The following OSCAR variants were observed in gnomAD, a reference collection of about 807,000 sequenced individuals.
OSCAR encodes osteoclast-associated immunoglobulin-like receptor.
Under a neutral mutation model 27.3 loss-of-function variants are expected in OSCAR, and 25 were observed. The ratio of observed to expected loss-of-function variants is 0.92; its 90% confidence interval spans 0.67 to 1.28. The LOEUF (loss-of-function observed/expected upper bound fraction) is 1.28. OSCAR is among the 50% of genes most tolerant of loss of function. The pLI, the probability that OSCAR is intolerant of heterozygous loss-of-function variation, is 0.00. For synonymous variants in OSCAR, 158 were observed against 165.7 expected, an observed-to-expected ratio of 0.95 and a Z score of 0.36; for missense variants, 354 against 355.1, an observed-to-expected ratio of 1.00 and a Z score of 0.03.
intron 3 of OSCAR, 27 bp from the exon 4 acceptor site, chr19:54,096,180 G>A (rs1355730714): frequency 6.8e-7 from 1 of 1,473,894 alleles, no homozygotes; most frequent in Non-Finnish European, 8.9e-7. Context: ...AGAGTCCGGG[G>A]CCGCGTGAGC....
chr19:54,095,733 G>T, intron 4 of OSCAR, 139 bp downstream of exon 4: 1 of 1,368,564 alleles, frequency 7.3e-7, no homozygotes, highest in Non-Finnish European at 9.9e-7. Context: ...CTGGGTCTGA[G>T]GGAGGAGGGG....
chr19:54,100,702 C>G, intron 1 of OSCAR, 54 bp downstream of exon 1: 15 of 1,530,034 alleles, frequency 9.8e-6, no homozygotes, highest in Non-Finnish European at 1.2e-5. Context: ...CATTGCCTCT[C>G]TCTCTGCCCC....
rs117829349 is a variant in OSCAR at position 54,094,971 on chromosome 19, G to C, written c.*250C>G. Reference sequence around the variant, plus strand: ...GCTGCTACTACTACAGTGAGTAGACGGCAGTGCTGGGATTCGAACCCTCTG... The same window carrying C: ...GCTGCTACTACTACAGTGAGTAGACCGCAGTGCTGGGATTCGAACCCTCTG... On this transcript the variant is annotated 3_prime_UTR_variant, in exon 5 of 5. Coordinates refer to ENST00000358375, the MANE Select transcript of OSCAR (RefSeq NM_133169.6). 3 of 506,250 alleles carry C rather than the reference G, an allele frequency of 5.9e-6. No homozygotes were observed. The highest frequency in any genetic ancestry group is 8.2e-5 in the South Asian group (2 of 24,530). The allele number at this position is 506,250 out of a possible 1,614,324, so 31.4% of individuals were successfully genotyped here.
At position 54,095,038 on chromosome 19, in the gene OSCAR, T is replaced by G; in HGVS notation, c.*183A>C. 4 of 1,043,902 alleles carry G rather than the reference T, an allele frequency of 3.8e-6. No individual in the cohort carries two copies. The South Asian group carries it at 8.7e-5, about 23-fold the overall frequency. 64.7% of individuals were successfully genotyped at this position (1,043,902 alleles called of 1,614,324 possible). On this transcript the variant is annotated 3_prime_UTR_variant, in exon 5 of 5. Transcript: ENST00000358375. ...TCTTAACCACTAATCGCGTCTTCCT[T>G]TCAGCTACTCCTTGGGAAAGGCCTG...
At position 54,096,988 on chromosome 19, in the gene OSCAR, CCAGCTCGGAGGACA is replaced by C. The variant is rs1481140430; in HGVS notation, c.233_246del (p.Val78GlyfsTer168). The C allele has an allele frequency of 3.7e-6, 6 of 1,614,038 alleles. No homozygotes were observed. In the East Asian group the frequency reaches 1.3e-4, roughly 36 times the overall value. ...GTCACCTCCTCCAGAAAGAATTCTGCCAGCTCGGAGGACACATCCCGGAAGAGAAGGGGAGCGAT... is the reference window on the plus strand; with the variant it reads ...GTCACCTCCTCCAGAAAGAATTCTGCCATCCCGGAAGAGAAGGGGAGCGAT... On this transcript the variant is annotated frameshift_variant, in exon 3 of 5. Coordinates refer to ENST00000358375, the MANE Select transcript of OSCAR (RefSeq NM_133169.6). LOFTEE classifies it high-confidence loss of function.
intron 2 of OSCAR, among the ~76,000 whole-genome samples, chr19:54,099,244 T>TTTTTTTTTTGTTTTTG (rs1267618078): frequency 3.8e-5 from 5 of 133,252 alleles, no homozygotes; most frequent in Non-Finnish European, 4.8e-5. Flanking sequence ...TTTTTTTTTT[T>TTTTTTTTTTGTTTTTG]TTTTTTTTTA....
At chr19:54,100,726 G>A in intron 1 of OSCAR, 30 bp downstream of exon 1, 2 of 1,550,204 alleles carry the variant, frequency 1.3e-6, no homozygotes, top group Non-Finnish European at 1.7e-6. Context: ...CCCCAGCCAG[G>A]AACCCAGGGA....
At chr19:54,096,479 C>CT (rs2072719462) in intron 3 of OSCAR, among the ~76,000 whole-genome samples, 35 of 116,132 alleles carry the variant, frequency 3.0e-4, no homozygotes, top group East Asian at 1.3e-3. Flanking sequence ...TCTCTGCCTC[C>CT]CTCTCTCTGC....
chr19:54,097,390 T>C (rs1281775720), intron 2 of OSCAR, among the ~76,000 whole-genome samples: 3 of 152,060 alleles, frequency 2.0e-5, no homozygotes, highest in African/African-American at 7.2e-5. Flanking sequence ...CTCCACAGTT[T>C]GTAAACACAG....
rs1273120110 is a variant in OSCAR, at chr19:54,097,212, G to A, written c.71-48C>T. The A allele has an allele frequency of 3.3e-6, 5 of 1,537,374 alleles. No individual in the cohort carries two copies. In the South Asian group the frequency reaches 4.8e-5, roughly 15 times the overall value. Reference sequence around the variant, plus strand: ...GTCCTCGGGCCTCCTGGGAGCCCCAGAAGATGAAAGGGAAGTTGGGGAAGG... The same window carrying A: ...GTCCTCGGGCCTCCTGGGAGCCCCAAAAGATGAAAGGGAAGTTGGGGAAGG... On this transcript the variant is annotated intron_variant, in intron 2 of 4. Coordinates refer to ENST00000358375, the MANE Select transcript of OSCAR (RefSeq NM_133169.6).
chr19:54,098,914 A>G (rs2072886187), intron 2 of OSCAR, among the ~76,000 whole-genome samples: 1 of 150,588 alleles, frequency 6.6e-6, no homozygotes, highest in African/African-American at 2.4e-5. Flanking sequence ...TGAACCCAGG[A>G]GGTGGTTGCA....
At position 54,095,116 on chromosome 19, in the gene OSCAR, C is replaced by A; in HGVS notation, c.*105G>T. 6.8e-7 allele frequency: 1 copy of A among 1,478,198 alleles called. No individual in the cohort carries two copies. Among genetic ancestry groups the A allele is most frequent in the Non-Finnish European group, 9.0e-7 (1 of 1,109,164 alleles). The allele number at this position is 1,478,198 out of a possible 1,614,324, so 91.6% of individuals were successfully genotyped here. A position where few individuals can be genotyped will look rare whatever the true frequency, so the allele number is the denominator to read the frequency against. On this transcript the variant is annotated 3_prime_UTR_variant, in exon 5 of 5. Coordinates refer to ENST00000358375, the MANE Select transcript of OSCAR (RefSeq NM_133169.6). ...GGGGTCTAAGGACCGTTCCGCGGAGCTCAGCCAGCAGGACTGTGGGGCTGC... is the reference window on the plus strand; with the variant it reads ...GGGGTCTAAGGACCGTTCCGCGGAGATCAGCCAGCAGGACTGTGGGGCTGC...
Position 54,094,928 on chromosome 19 carries a change from CACT to C in OSCAR, c.*290_*292del. On this transcript the variant is annotated 3_prime_UTR_variant, in exon 5 of 5. Coordinates refer to ENST00000358375, the MANE Select transcript of OSCAR (RefSeq NM_133169.6). Reference sequence around the variant, plus strand: ...AGGAAGTCCAGCTGGCTTCACGTCTCACTACTACCTTTCTGTAGCTGCTACTAC... The same window carrying C: ...AGGAAGTCCAGCTGGCTTCACGTCTCACTACCTTTCTGTAGCTGCTACTAC... 2.6e-6 allele frequency: 1 copy of C among 388,252 alleles called. No individual in the cohort carries two copies. The highest frequency in any genetic ancestry group is 4.5e-6 in the Non-Finnish European group (1 of 221,756). 24.1% of individuals were successfully genotyped at this position (388,252 alleles called of 1,614,324 possible).
At chr19:54,095,385 C>T (rs1162530977) in intron 4 of OSCAR, 28 bp from the exon 5 acceptor site, 1 of 1,544,916 alleles carries the variant, frequency 6.5e-7, no homozygotes, top group Admixed American at 2.0e-5. Context: ...AGAGAGGGGC[C>T]ATCAGCTCCC....
At chr19:54,099,244 T>G (rs587698140) in intron 2 of OSCAR, among the ~76,000 whole-genome samples, 62 of 133,242 alleles carry the variant, frequency 4.7e-4, no homozygotes, top group Non-Finnish European at 7.7e-4. Flanking sequence ...TTTTTTTTTT[T>G]TTTTTTTTTA....
chr19:54,097,187 G>C, intron 2 of OSCAR, 23 bp from the exon 3 acceptor site: 1 of 1,586,378 alleles, frequency 6.3e-7, no homozygotes, highest in Non-Finnish European at 8.6e-7. Flanking sequence ...GGCTGCCTGG[G>C]TCCTCGGGCC....
chr19:54,096,810 C>G (rs2072754625), intron 3 of OSCAR, 52 bp downstream of exon 3: 4 of 1,567,512 alleles, frequency 2.6e-6, no homozygotes, highest in Non-Finnish European at 3.5e-6. Context: ...CTCTGTCCCT[C>G]CCCCAACTCC....
chr19:54,100,722 C>G, intron 1 of OSCAR, 34 bp downstream of exon 1: 1 of 1,549,198 alleles, frequency 6.5e-7, no homozygotes, highest in Non-Finnish European at 8.7e-7. Context: ...CCAACCCCAG[C>G]CAGGAACCCA....
rs2072950002 is a variant in OSCAR, at chr19:54,099,782, T to C, written c.38-2A>G. 1 of 1,610,678 alleles carries C rather than the reference T, an allele frequency of 6.2e-7. No homozygotes were observed. Among genetic ancestry groups the C allele is most frequent in the Non-Finnish European group, 8.5e-7 (1 of 1,179,066 alleles). ...TGATGTCTGTGTGACACAGAGGCCC[T>C]GTAGGAGGTTGAGGGACTAGTTTCT... On this transcript the variant is annotated splice_acceptor_variant, in intron 1 of 4. Transcript: ENST00000358375. LOFTEE classifies it high-confidence loss of function.
Sources: allele counts gnomAD v4.1 joint callset (sites outside exome capture counted in the v4.1 genomes callset), GRCh38; gene constraint gnomAD v4.1.1; transcripts MANE v1.5; gene names NCBI Gene and HGNC (gene_info 2026-07-23, HGNC 2026-07-21).